EFR3B: variants seen among roughly 807,000 people sequenced by gnomAD.
The protein encoded by EFR3B is EFR3 homolog B.
In EFR3B, 64 loss-of-function variants were observed where a neutral mutation model predicts 104.7. The ratio of observed to expected loss-of-function variants is 0.61; its 90% CI spans 0.50 to 0.75. The LOEUF (loss-of-function observed/expected upper bound fraction) is 0.75, where lower values mean the gene tolerates loss of function less well. EFR3B is among the 30% of genes least tolerant of loss of function. The pLI, the probability that EFR3B is intolerant of heterozygous loss-of-function variation, is 0.00. For missense variants in EFR3B, 750 were observed against 1,078.5 expected (o/e 0.70, Z 4.27); for synonymous variants, 385 against 417.9 (o/e 0.92, Z 0.96).
chr2:25,066,861 T>A (rs191012144), intron 1 of EFR3B, among the ~76,000 whole-genome samples: 36 of 152,284 alleles, frequency 2.4e-4, no homozygotes, highest in African/African-American at 8.4e-4. Flanking sequence ...GCCGAACAAG[T>A]TTAGAAAACA....
At chr2:25,051,413 C>G (rs148900542) in intron 1 of EFR3B, among the ~76,000 whole-genome samples, 2 of 151,724 alleles carry the variant, frequency 1.3e-5, no homozygotes, top group African/African-American at 4.9e-5. Context: ...CCACGCCCAG[C>G]CTGATTTCTC....
chr2:25,068,670 C>T (rs1971136), intron 1 of EFR3B, among the ~76,000 whole-genome samples: 63,949 of 150,476 alleles, frequency 0.42, 16,487 homozygotes, highest in Middle Eastern at 0.61. Flanking sequence ...CGCTCTGTCC[C>T]CCAGGCTGGA....
intron 4 of EFR3B, among the ~76,000 whole-genome samples, chr2:25,107,419 G>A (rs1054327203): frequency 5.3e-5 from 8 of 152,114 alleles, no homozygotes; most frequent in Admixed American, 3.9e-4. Context: ...CCCCCTTCAA[G>A]GTCCCCAACT....
chr2:25,048,709 A>G (rs1423468766), intron 1 of EFR3B, among the ~76,000 whole-genome samples: 1 of 152,216 alleles, frequency 6.6e-6, no homozygotes, highest in Non-Finnish European at 1.5e-5. Flanking sequence ...GAATATCATT[A>G]CTCATTAGTT....
chr2:25,091,548 G>T, intron 2 of EFR3B, 147 bp downstream of exon 2: 1 of 694,284 alleles, frequency 1.4e-6, no homozygotes. Context: ...AGAGAAACTG[G>T]AACCTGGGCT....
chr2:25,123,544 G>A (rs1037826703), intron 5 of EFR3B, among the ~76,000 whole-genome samples: 2 of 152,172 alleles, frequency 1.3e-5, no homozygotes, highest in African/African-American at 2.4e-5. Flanking sequence ...CTCTGGTGAG[G>A]CCAGAGTGGG....
At position 25,046,506 on chromosome 2, in the gene EFR3B, C is replaced by CTTTTTTT. The variant is rs531667109; in HGVS notation, c.7+4197_7+4203dup. Among the ~76,000 whole-genome samples the CTTTTTTT allele has an allele frequency of 1.6e-3, 195 of 119,096 alleles. 11 individuals are homozygous for CTTTTTTT. Among genetic ancestry groups the CTTTTTTT allele is most frequent in the African/African-American group, 4.6e-3 (164 of 35,500 alleles). The allele number at this position is 119,096 out of a possible 152,430, so 78.1% of individuals were successfully genotyped here. ...GCAGGCTCCCCCTGAAGTACAAAGT[C>CTTTTTTT]TTTTTTTTTTTTTTTTGAGACGGAG... On this transcript the variant is annotated intron_variant, in intron 1 of 22. Transcript: ENST00000403714.
chr2:25,106,751 T>G (rs1669575465), intron 4 of EFR3B, among the ~76,000 whole-genome samples: 1 of 151,922 alleles, frequency 6.6e-6, no homozygotes, highest in Non-Finnish European at 1.5e-5. Flanking sequence ...CCCTGTTAAT[T>G]TTTTGTATTT....
intron 1 of EFR3B, among the ~76,000 whole-genome samples, chr2:25,053,910 A>C (rs1667950542): frequency 6.6e-6 from 1 of 152,190 alleles, no homozygotes; most frequent in African/African-American, 2.4e-5. Context: ...CCGTCAAACA[A>C]ACAAACAAAA....
chr2:25,144,555 A>T (rs188828263), intron 18 of EFR3B, among the ~76,000 whole-genome samples: 2 of 152,286 alleles, frequency 1.3e-5, no homozygotes, highest in African/African-American at 4.8e-5. Flanking sequence ...AAAAAAAACA[A>T]AAAAACAAAA....
chr2:25,075,060 C>T (rs1421598435), intron 1 of EFR3B, among the ~76,000 whole-genome samples: 1 of 152,226 alleles, frequency 6.6e-6, no homozygotes, highest in African/African-American at 2.4e-5. Flanking sequence ...TCAGTATCCA[C>T]ACCAGGAACT....
intron 2 of EFR3B, among the ~76,000 whole-genome samples, chr2:25,092,389 G>A (rs770269561): frequency 3.4e-5 from 5 of 148,182 alleles, no homozygotes; most frequent in Non-Finnish European, 7.4e-5. Context: ...TAATGATGCT[G>A]TATCATCCAT....
At chr2:25,083,953 A>G (rs1037848738) in intron 1 of EFR3B, among the ~76,000 whole-genome samples, 10 of 152,164 alleles carry the variant, frequency 6.6e-5, no homozygotes, top group Non-Finnish European at 1.5e-4. Context: ...CTCTTTCCAC[A>G]TAGGCCTCAG....
chr2:25,143,995 C>G, intron 18 of EFR3B, 133 bp downstream of exon 18: 1 of 1,307,650 alleles, frequency 7.6e-7, no homozygotes, highest in Admixed American at 2.8e-5. Context: ...CTGAAAGACA[C>G]AGTGGAAATT....
chr2:25,141,855 T>C (rs1056641956), intron 17 of EFR3B, among the ~76,000 whole-genome samples: 3 of 152,238 alleles, frequency 2.0e-5, no homozygotes, highest in African/African-American at 7.2e-5. Context: ...CAGTAGGGGA[T>C]GGCTTTATAA....
intron 6 of EFR3B, 125 bp from the exon 7 acceptor site, chr2:25,129,850 G>C (rs1307581359): frequency 2.7e-5 from 36 of 1,311,130 alleles, no homozygotes; most frequent in Non-Finnish European, 3.6e-5. Flanking sequence ...CTCCCCTATT[G>C]CCTAGTGCAA....
chr2:25,113,607 G>C (rs531453917), intron 4 of EFR3B, among the ~76,000 whole-genome samples: 1 of 151,172 alleles, frequency 6.6e-6, no homozygotes, highest in Admixed American at 6.6e-5. Flanking sequence ...GGTGGAGCTT[G>C]CAGCGAGCCG....
In EFR3B at chr2:25,130,439, C is replaced by G; in HGVS notation, c.771-113C>G. 1 of 1,004,918 alleles carries G rather than the reference C, an allele frequency of 1.0e-6. No homozygotes were observed. Among genetic ancestry groups the G allele is most frequent in the Non-Finnish European group, 1.5e-6 (1 of 651,344 alleles). The allele number at this position is 1,004,918 out of a possible 1,614,324, so 62.3% of individuals were successfully genotyped here. Reference sequence around the variant, plus strand: ...GCCCTTCAGGCTTCACTTCCTCACCCGGGAACTGTGCGAGGGGCTCTGAGA... The same window carrying G: ...GCCCTTCAGGCTTCACTTCCTCACCGGGGAACTGTGCGAGGGGCTCTGAGA... On this transcript the variant is annotated intron_variant, in intron 7 of 22. Transcript: ENST00000403714. This position sits in a 1 kb window ranked among gnomAD's most constrained non-coding sequence, Gnocchi z 4.6.
intron 10 of EFR3B, among the ~76,000 whole-genome samples, chr2:25,132,644 C>A (rs571648408): frequency 6.6e-6 from 1 of 151,896 alleles, no homozygotes; most frequent in Admixed American, 6.6e-5. Context: ...ATCCCCACCC[C>A]CTAGCCAAGG....
Sources: gnomAD v4.1 joint callset for allele counts (sites outside exome capture counted in the v4.1 genomes callset) on GRCh38, gnomAD v4.1.1 for gene constraint, Gnocchi (gnomAD v3.1) non-coding constraint, MANE v1.5 for transcripts, NCBI Gene and HGNC (gene_info 2026-07-23, HGNC 2026-07-21) for gene names.